ANAPC1: variants seen among roughly 807,000 people sequenced by gnomAD.
The protein encoded by ANAPC1 is anaphase-promoting complex subunit 1.
ANAPC1 carries 36 observed loss-of-function variants against 208.0 expected under a neutral mutation model. The observed-to-expected ratio is 0.17, with a 90% confidence interval of 0.13 to 0.23. The LOEUF (loss-of-function observed/expected upper bound fraction) is 0.23. Among genes scored for constraint, ANAPC1 ranks in the 10% least tolerant of loss-of-function variants. ANAPC1 has a pLI of 1.00. For missense variants in ANAPC1, 942 were observed against 2,011.6 expected (o/e 0.47, Z 10.17); for synonymous variants, 378 against 695.2 (o/e 0.54, Z 7.18).
chr2:111,863,945 A>G, intron 8 of ANAPC1, 50 bp from the exon 9 acceptor site: 1 of 1,514,934 alleles, frequency 6.6e-7, no homozygotes, highest in South Asian at 1.3e-5. Context: ...CAATAATTAG[A>G]ATAAAGTAGC....
chr2:111,827,320 T>C (rs1272013103), intron 21 of ANAPC1, among the ~76,000 whole-genome samples: 2 of 152,154 alleles, frequency 1.3e-5, no homozygotes, highest in Non-Finnish European at 2.9e-5. Flanking sequence ...ATAAGATCTC[T>C]CTATTAAATG....
At chr2:111,854,525 T>G (rs1454321334) in intron 13 of ANAPC1, among the ~76,000 whole-genome samples, 2 of 152,222 alleles carry the variant, frequency 1.3e-5, no homozygotes, top group Non-Finnish European at 2.9e-5. Flanking sequence ...AAGTCCTAGA[T>G]GGCATCTTCT....
rs1470516060 is a variant in ANAPC1, at chr2:111,825,866, A to G, written c.2626-11T>C. 1 of 1,601,408 alleles carries G rather than the reference A, an allele frequency of 6.2e-7. No individual in the cohort carries two copies. The highest frequency in any genetic ancestry group is 8.5e-7 in the Non-Finnish European group (1 of 1,172,210). On this transcript the variant is annotated splice_polypyrimidine_tract_variant and intron_variant, in intron 21 of 47. Transcript: ENST00000341068. ...GTACAGTGCAATACTCTGCAAAGGA[A>G]GAAAATTAACATTATTTTTCTCTTT... is the stretch of plus-strand genomic sequence containing the variant.
intron 16 of ANAPC1, among the ~76,000 whole-genome samples, chr2:111,846,687 A>C (rs976194142): frequency 1.3e-5 from 2 of 148,238 alleles, no homozygotes; most frequent in African/African-American, 5.0e-5. Context: ...CTCCTGCTTC[A>C]GACTCCCAAG....
intron 38 of ANAPC1, 147 bp from the exon 39 acceptor site, chr2:111,788,467 A>T: frequency 2.0e-6 from 2 of 983,180 alleles, no homozygotes; most frequent in South Asian, 1.7e-5. Context: ...TGGTGTGAAC[A>T]TTCCACTTTT....
chr2:111,831,230 T>C (rs1422245364), intron 21 of ANAPC1, 56 bp downstream of exon 21: 6 of 1,540,808 alleles, frequency 3.9e-6, no homozygotes, highest in African/African-American at 1.4e-5. Context: ...GGTGTACTTT[T>C]TAAAACTAAA....
intron 18 of ANAPC1, among the ~76,000 whole-genome samples, chr2:111,836,470 A>C (rs1441029503): frequency 1.3e-5 from 2 of 150,768 alleles, no homozygotes; most frequent in Admixed American, 1.3e-4. Flanking sequence ...TTATAGTAAC[A>C]CCTTGTCTCT....
intron 13 of ANAPC1, among the ~76,000 whole-genome samples, chr2:111,852,543 C>T (rs903652547): frequency 6.6e-6 from 1 of 152,104 alleles, no homozygotes; most frequent in African/African-American, 2.4e-5. Context: ...GAATGTCCCT[C>T]GTCTATTTGA....
intron 22 of ANAPC1, 68 bp from the exon 23 acceptor site, chr2:111,825,235 A>T: frequency 3.2e-6 from 5 of 1,564,918 alleles, no homozygotes; most frequent in Non-Finnish European, 4.3e-6. Flanking sequence ...TAACATGTAG[A>T]AAACATTTGA....
At position 111,783,963 on chromosome 2, in the gene ANAPC1, A is replaced by G; in HGVS notation, c.4997T>C (p.Ile1666Thr). Residue 1666 changes from isoleucine (I) to threonine (T), a missense_variant and splice_region_variant, in exon 42 of 48, where the codon ATT (isoleucine) becomes ACT (threonine). By Grantham distance (89) the Ile-to-Thr change is moderately conservative. Coordinates refer to ENST00000341068, the MANE Select transcript of ANAPC1 (RefSeq NM_022662.4). The stretch of plus-strand genomic sequence containing the variant: ...CCAGTATCTTGGGCCTTTTACTTTA[A>G]TCTGTCAAGATAAACGTAAACATAG... ...LLPELHLLKQIKVKGPRYWEL... is the reference protein window; with the variant it reads ...LLPELHLLKQTKVKGPRYWEL... 1.3e-6 allele frequency: 1 copy of G among 770,614 alleles called. No individual in the cohort carries two copies. Among genetic ancestry groups the G allele is most frequent in the Non-Finnish European group, 2.2e-6 (1 of 455,744 alleles). 47.7% of individuals were successfully genotyped at this position (770,614 alleles called of 1,614,324 possible). A position where few individuals can be genotyped will look rare whatever the true frequency, so the allele number is the denominator to read the frequency against.
rs529263917 is a variant in ANAPC1, at chr2:111,862,580, C to T, written c.1071G>A (p.Ala357=). Residue 357 remains alanine, a synonymous_variant, in exon 10 of 48, where the codon GCG becomes GCA. Transcript: ENST00000341068. ...MAALSRAHSP[A]LGVHSFSGVQ... The stretch of plus-strand genomic sequence containing the variant: ...CCCCTGAAAAAGAGTGCACTCCTAA[C>T]GCAGGAGAATGAGCACGACTGCAAA... 12 of 1,610,524 alleles carry T rather than the reference C, an allele frequency of 7.5e-6. No individual in the cohort carries two copies. The highest frequency in any genetic ancestry group is 4.5e-5 in the East Asian group (2 of 44,782).
At chr2:111,833,123 C>T (rs1680251289) in intron 20 of ANAPC1, 97 bp downstream of exon 20, 2 of 1,421,606 alleles carry the variant, frequency 1.4e-6, no homozygotes, top group Admixed American at 2.2e-5. Flanking sequence ...GACTTAGAAG[C>T]TAATGGTAAG....
chr2:111,874,496 G>C (rs983120909), intron 3 of ANAPC1, among the ~76,000 whole-genome samples: 7 of 141,066 alleles, frequency 5.0e-5, no homozygotes, highest in Admixed American at 2.9e-4. Flanking sequence ...GCCTGTGCTA[G>C]GTATCTCATG....
chr2:111,871,871 T>C (rs1289769924), intron 6 of ANAPC1, among the ~76,000 whole-genome samples: 1 of 152,230 alleles, frequency 6.6e-6, no homozygotes, highest in African/African-American at 2.4e-5. Flanking sequence ...AATTTATTTA[T>C]CAAATCTAGG....
chr2:111,806,768 T>G (rs1400971715), intron 29 of ANAPC1, among the ~76,000 whole-genome samples: 1 of 152,144 alleles, frequency 6.6e-6, no homozygotes, highest in Non-Finnish European at 1.5e-5. Context: ...TTCATACTTT[T>G]AAAAGGCACC....
intron 2 of ANAPC1, among the ~76,000 whole-genome samples, chr2:111,879,837 A>C (rs923813324): frequency 2.0e-5 from 3 of 151,580 alleles, no homozygotes; most frequent in Non-Finnish European, 2.9e-5. Context: ...GTGCCATTGC[A>C]CTCCAGCCTG....
chr2:111,856,457 A>C lies in ANAPC1; in HGVS notation c.1515+157T>G, dbSNP rs7564068. ...CCTCCAAATTAGGACCCACCTAAAT[A>C]GGAAGCTTCACTGAGAATTATTAAC... On this transcript the variant is annotated intron_variant, in intron 13 of 47. Coordinates refer to ENST00000341068, the MANE Select transcript of ANAPC1 (RefSeq NM_022662.4). 15 of 744,468 alleles carry C rather than the reference A, an allele frequency of 2.0e-5. No homozygotes were observed. The South Asian group carries it at 2.7e-4, about 13-fold the overall frequency. The allele number at this position is 744,468 out of a possible 1,614,324, so 46.1% of individuals were successfully genotyped here.
intron 21 of ANAPC1, 135 bp from the exon 22 acceptor site, chr2:111,825,990 C>T: frequency 1.6e-6 from 1 of 623,292 alleles, no homozygotes; most frequent in Non-Finnish European, 2.7e-6. Context: ...AATCTTCCTG[C>T]TTCAGTCTCC....
At chr2:111,847,104 T>G (rs1449559910) in intron 16 of ANAPC1, 34 bp downstream of exon 16, 3 of 1,518,856 alleles carry the variant, frequency 2.0e-6, no homozygotes, top group Middle Eastern at 4.7e-4. Flanking sequence ...TCACAATTAC[T>G]TCATGTCTTA....
Sources: gnomAD v4.1 joint callset for allele counts (sites outside exome capture counted in the v4.1 genomes callset) on GRCh38, gnomAD v4.1.1 for gene constraint, MANE v1.5 for transcripts, NCBI Gene and HGNC (gene_info 2026-07-23, HGNC 2026-07-21) for gene names.